The following SERGEF variants were observed in gnomAD, a reference collection of about 807,000 sequenced individuals.
SERGEF encodes the protein secretion-regulating guanine nucleotide exchange factor.
SERGEF carries 51 observed loss-of-function variants against 50.0 expected under a neutral mutation model. That is an observed-to-expected ratio of 1.02 (90% CI 0.81 to 1.29). SERGEF has a LOEUF of 1.29. Ranked by LOEUF, SERGEF falls within the 50% of genes most tolerant of loss-of-function variation. The pLI, the probability that SERGEF is intolerant of heterozygous loss-of-function variation, is 0.00. For synonymous variants in SERGEF, 205 were observed against 212.4 expected (o/e 0.97, Z 0.30); for missense variants, 521 against 557.0 (o/e 0.94, Z 0.65).
intron 10 of SERGEF, among the ~76,000 whole-genome samples, chr11:17,793,719 A>T (rs545591088): frequency 6.6e-6 from 1 of 152,338 alleles, no homozygotes; most frequent in Non-Finnish European, 1.5e-5. Context: ...TGGTTGACGG[A>T]GATCTGCTTT....
In SERGEF at chr11:17,819,942, G is replaced by C. The variant is rs1421101059; in HGVS notation, c.1049-31529C>G. 2.0e-5 allele frequency among the ~76,000 whole-genome samples: 3 copies of C among 152,122 alleles called. No individual in the cohort carries two copies. The South Asian group carries it at 6.2e-4, about 32-fold the overall frequency. Reference sequence around the variant, plus strand: ...CAGCCTCAACCTCCCAGGCTCAAGCGATCCTCCCCGACAGCCTCCAGGGGA... The same window carrying C: ...CAGCCTCAACCTCCCAGGCTCAAGCCATCCTCCCCGACAGCCTCCAGGGGA... On this transcript the variant is annotated intron_variant, in intron 10 of 10. Coordinates refer to ENST00000265965, the MANE Select transcript of SERGEF (RefSeq NM_012139.4).
Position 18,008,384 on chromosome 11 carries a change from A to G in SERGEF, c.61-308T>C, listed in dbSNP as rs889733603. On this transcript the variant is annotated intron_variant, in intron 1 of 10. Transcript: ENST00000265965. ...ACAGTGGAGGAAATTCATGTCCAGG[A>G]AAGTTCCTAGGTAGGCACCCTGGCA... 7.2e-5 allele frequency among the ~76,000 whole-genome samples: 11 copies of G among 152,236 alleles called. No homozygotes were observed. The East Asian group carries it at 7.7e-4, about 11-fold the overall frequency.
At chr11:17,983,983 A>T (rs1853545800) in intron 8 of SERGEF, among the ~76,000 whole-genome samples, 3 of 152,204 alleles carry the variant, frequency 2.0e-5, no homozygotes, top group Admixed American at 2.0e-4. Context: ...TTGGATAGGG[A>T]TCAAGAACTA....
intron 9 of SERGEF, among the ~76,000 whole-genome samples, chr11:17,952,807 CA>C (rs1191994705): frequency 1.4e-4 from 22 of 152,124 alleles, no homozygotes; most frequent in African/African-American, 5.1e-4. Context: ...TCCCAGTCAC[CA>C]AATCCAGTAG....
Position 17,791,347 on chromosome 11 carries a change from C to A in SERGEF, c.1049-2934G>T, listed in dbSNP as rs75629403. On this transcript the variant is annotated intron_variant, in intron 10 of 10. Transcript: ENST00000265965. Reference sequence around the variant, plus strand: ...AAATGCCTGAGTACTGTTTTGAGTACTGCCAGAATACTTTTCAGAAAGGCT... The same window carrying A: ...AAATGCCTGAGTACTGTTTTGAGTAATGCCAGAATACTTTTCAGAAAGGCT... 9.8e-5 allele frequency among the ~76,000 whole-genome samples: 15 copies of A among 152,304 alleles called. No homozygotes were observed. The East Asian group carries it at 2.9e-3, about 29-fold the overall frequency.
At chr11:18,012,834 C>T (rs1174843223) in intron 1 of SERGEF, 117 bp downstream of exon 1, 6 of 1,518,698 alleles carry the variant, frequency 4.0e-6, no homozygotes, top group Non-Finnish European at 5.3e-6. Flanking sequence ...TCCTTCAACC[C>T]AGAGCCCGGC....
At position 18,008,078 on chromosome 11, in the gene SERGEF, T is replaced by C. The variant is rs1854121625; in HGVS notation, c.61-2A>G. 14 of 1,611,386 alleles carry C rather than the reference T, an allele frequency of 8.7e-6. No homozygotes were observed. Among genetic ancestry groups the C allele is most frequent in the Non-Finnish European group, 1.2e-5 (14 of 1,178,714 alleles). On this transcript the variant is annotated splice_acceptor_variant, in intron 1 of 10. Transcript: ENST00000265965. LOFTEE classifies it high-confidence loss of function. ...AAGTTGCCCATAGCTATTTGCACCC[T>C]AGGGATGAATAAGCCAAGGATGAAA... is the stretch of plus-strand genomic sequence containing the variant.
intron 9 of SERGEF, among the ~76,000 whole-genome samples, chr11:17,902,673 G>A (rs991394572): frequency 3.3e-5 from 5 of 152,168 alleles, no homozygotes; most frequent in African/African-American, 1.2e-4. Flanking sequence ...CAGAAACGAG[G>A]AATTAGTGCC....
intron 10 of SERGEF, among the ~76,000 whole-genome samples, chr11:17,796,153 A>T (rs1849568936): frequency 6.6e-6 from 1 of 152,230 alleles, no homozygotes; most frequent in African/African-American, 2.4e-5. Context: ...AAAAAGCAGT[A>T]ACACAGAGAT....
chr11:17,923,682 G>A (rs1358115391), intron 9 of SERGEF, among the ~76,000 whole-genome samples: 5 of 152,162 alleles, frequency 3.3e-5, no homozygotes, highest in Non-Finnish European at 7.4e-5. Flanking sequence ...TTGAGTCCTG[G>A]TCACAGGGGA....
rs9783400 is a variant in SERGEF, at chr11:17,807,449, C to A, written c.1049-19036G>T. ...TCCTATAAACATACTTTGGGCCACT[C>A]ACCTGGTCCCTTTACTGATAAGGAA... On this transcript the variant is annotated intron_variant, in intron 10 of 10. Transcript: ENST00000265965. Among the ~76,000 whole-genome samples, 3 of 152,204 alleles carry A rather than the reference C, an allele frequency of 2.0e-5. No individual in the cohort carries two copies. In the East Asian group the frequency reaches 5.8e-4, roughly 29 times the overall value.
chr11:17,894,390 A>T (rs1464961393), intron 9 of SERGEF, among the ~76,000 whole-genome samples: 1 of 152,216 alleles, frequency 6.6e-6, no homozygotes, highest in African/African-American at 2.4e-5. Flanking sequence ...AGATTAACTG[A>T]GAAATAGGAT....
At chr11:17,936,026 C>T (rs1852446434) in intron 9 of SERGEF, among the ~76,000 whole-genome samples, 1 of 152,128 alleles carries the variant, frequency 6.6e-6, no homozygotes, top group African/African-American at 2.4e-5. Context: ...CTCACCAATT[C>T]AGAAAAGGAA....
chr11:17,933,002 T>A (rs555677896), intron 9 of SERGEF, among the ~76,000 whole-genome samples: 1 of 152,322 alleles, frequency 6.6e-6, no homozygotes, highest in Non-Finnish European at 1.5e-5. Flanking sequence ...CATTTGATTT[T>A]AAAATATCTG....
rs1850924275 is a variant in SERGEF at position 17,861,417 on chromosome 11, C to T, written c.1048+16791G>A. ...TTAAGCAGCAGAACTGGAAATGGAA[C>T]CCATGACTTAACAACTCCAAGGCCT... On this transcript the variant is annotated intron_variant, in intron 10 of 10. Coordinates refer to ENST00000265965, the MANE Select transcript of SERGEF (RefSeq NM_012139.4). Among the ~76,000 whole-genome samples the T allele has an allele frequency of 1.3e-5, 2 of 152,234 alleles. 1 individual carries two copies. The highest frequency in any genetic ancestry group is 4.1e-4 in the South Asian group (2 of 4,828).
At chr11:17,818,092 T>C (rs1850011979) in intron 10 of SERGEF, among the ~76,000 whole-genome samples, 1 of 152,212 alleles carries the variant, frequency 6.6e-6, no homozygotes, top group South Asian at 2.1e-4. Context: ...CACTTCTTTG[T>C]TAGAGTTCAT....
chr11:17,979,623 A>G (rs1482348036), intron 8 of SERGEF, among the ~76,000 whole-genome samples: 4 of 152,212 alleles, frequency 2.6e-5, no homozygotes, highest in Admixed American at 2.6e-4. Flanking sequence ...GTATACAAGT[A>G]GATCCTTTAG....
At chr11:17,890,273 G>A (rs751963479) in intron 9 of SERGEF, among the ~76,000 whole-genome samples, 3 of 152,182 alleles carry the variant, frequency 2.0e-5, no homozygotes, top group Non-Finnish European at 4.4e-5. Flanking sequence ...GTAAGTAAAT[G>A]TATTGAAGAT....
intron 10 of SERGEF, among the ~76,000 whole-genome samples, chr11:17,820,060 T>C (rs1850049463): frequency 6.6e-6 from 1 of 152,056 alleles, no homozygotes; most frequent in South Asian, 2.1e-4. Context: ...TCCTGGCTGC[T>C]CTCGAGCTCC....
Sources: gnomAD v4.1 joint callset for allele counts (sites outside exome capture counted in the v4.1 genomes callset) on GRCh38, gnomAD v4.1.1 for gene constraint, MANE v1.5 for transcripts, NCBI Gene and HGNC (gene_info 2026-07-23, HGNC 2026-07-21) for gene names.